Variants in ABL1 observed in about 807,000 individuals in gnomAD.
ABL1 encodes tyrosine-protein kinase ABL1.
In ABL1, 11 loss-of-function variants were observed where a neutral mutation model predicts 94.7. That is an observed-to-expected ratio of 0.12 (90% CI 0.07 to 0.19). The LOEUF (loss-of-function observed/expected upper bound fraction) is 0.19. Ranked by LOEUF, ABL1 falls within the 10% of genes least tolerant of loss-of-function variation. The pLI is 1.00. For missense variants in ABL1, 1,082 were observed against 1,489.4 expected (o/e 0.73, Z 4.50); for synonymous variants, 656 against 622.4 (o/e 1.05, Z -0.80).
intron 1 of ABL1, among the ~76,000 whole-genome samples, chr9:130,721,565 C>G (rs1031447520): frequency 6.6e-6 from 1 of 152,008 alleles, no homozygotes; most frequent in African/African-American, 2.4e-5. Flanking sequence ...AAAAAATTAG[C>G]TGGGCGTGGT....
chr9:130,879,434 T>C (rs995182748), intron 8 of ABL1, among the ~76,000 whole-genome samples: 1 of 152,238 alleles, frequency 6.6e-6, no homozygotes, highest in Non-Finnish European at 1.5e-5. Context: ...GTTTTACACA[T>C]TTGTTTGGTT....
At chr9:130,725,552 G>T (rs1460795235) in intron 1 of ABL1, among the ~76,000 whole-genome samples, 1 of 151,728 alleles carries the variant, frequency 6.6e-6, no homozygotes, top group Non-Finnish European at 1.5e-5. Flanking sequence ...GGCTAATTTT[G>T]TATTTTTAGT....
intron 1 of ABL1, among the ~76,000 whole-genome samples, chr9:130,824,320 C>A (rs1830399443): frequency 6.6e-6 from 1 of 152,142 alleles, no homozygotes; most frequent in Admixed American, 6.5e-5. Flanking sequence ...CCAGCTCAAG[C>A]AGGCAGAGGG....
intron 1 of ABL1, among the ~76,000 whole-genome samples, chr9:130,783,412 A>G (rs2132789413): frequency 6.6e-6 from 1 of 152,352 alleles, no homozygotes; most frequent in South Asian, 2.1e-4. Context: ...TAGTTCATAA[A>G]GATGTATTCT....
intron 1 of ABL1, among the ~76,000 whole-genome samples, chr9:130,819,707 T>C (rs897358383): frequency 2.0e-5 from 3 of 150,880 alleles, no homozygotes; most frequent in African/African-American, 7.3e-5. Flanking sequence ...CCCGGCTACT[T>C]TTTTTTTGTA....
intron 1 of ABL1, among the ~76,000 whole-genome samples, chr9:130,817,311 C>A (rs1205554312): frequency 6.6e-6 from 1 of 152,192 alleles, no homozygotes; most frequent in Non-Finnish European, 1.5e-5. Flanking sequence ...ACTTTATATT[C>A]TTAGCTCTCA....
At chr9:130,782,253 G>A (rs572508421) in intron 1 of ABL1, among the ~76,000 whole-genome samples, 1 of 152,150 alleles carries the variant, frequency 6.6e-6, no homozygotes, top group African/African-American at 2.4e-5. Context: ...TAGAGACGGG[G>A]TTTTGCTATG....
intron 1 of ABL1, among the ~76,000 whole-genome samples, chr9:130,806,916 C>T (rs1278035565): frequency 6.6e-6 from 1 of 152,050 alleles, no homozygotes; most frequent in African/African-American, 2.4e-5. Context: ...TTTGGGAGGC[C>T]GCGGCAGGCG....
At chr9:130,737,156 A>C (rs139405502) in intron 1 of ABL1, among the ~76,000 whole-genome samples, 53 of 152,240 alleles carry the variant, frequency 3.5e-4, no homozygotes, top group African/African-American at 1.2e-3. Context: ...TTTTGCAAGG[A>C]GGGGAAAACG....
At chr9:130,789,650 A>G (rs971729007) in intron 1 of ABL1, among the ~76,000 whole-genome samples, 4 of 152,216 alleles carry the variant, frequency 2.6e-5, no homozygotes, top group African/African-American at 9.7e-5. Context: ...TTAATTTACT[A>G]CCTTTGGGGA....
rs538509004 is a variant in ABL1 at position 130,817,597 on chromosome 9, T to C, written c.137-36467T>C. On this transcript the variant is annotated intron_variant, in intron 1 of 10. Transcript: ENST00000372348. ...ACGCGTCAGGTTGTAAATGACCCTG[T>C]CTCCTTTGTTCAGTGTACTCTCATG... 1.6e-3 allele frequency among the ~76,000 whole-genome samples: 238 copies of C among 152,346 alleles called. 1 individual carries two copies. Among genetic ancestry groups the C allele is most frequent in the Middle Eastern group, 3.4e-3 (1 of 294 alleles).
chr9:130,855,783 G>T (rs573556971), intron 3 of ABL1, among the ~76,000 whole-genome samples: 2 of 152,320 alleles, frequency 1.3e-5, no homozygotes, highest in East Asian at 3.9e-4. Context: ...AGAAAGGGAG[G>T]CATAAAGAGA....
intron 1 of ABL1, among the ~76,000 whole-genome samples, chr9:130,747,896 A>T (rs1831907427): frequency 6.6e-6 from 1 of 152,152 alleles, no homozygotes; most frequent in Admixed American, 6.5e-5. Context: ...TTTTTAGCCT[A>T]CTACACTTGG....
intron 7 of ABL1, among the ~76,000 whole-genome samples, chr9:130,875,307 A>G (rs540742950): frequency 2.6e-5 from 4 of 151,904 alleles, no homozygotes; most frequent in Non-Finnish European, 5.9e-5. Flanking sequence ...ACACCCAGCT[A>G]ATTTTTGGTA....
intron 1 of ABL1, among the ~76,000 whole-genome samples, chr9:130,768,140 C>A (rs1461177857): frequency 2.0e-5 from 3 of 152,198 alleles, no homozygotes; most frequent in Non-Finnish European, 2.9e-5. Context: ...CCCTTCCCCC[C>A]AACCCCCATA....
intron 1 of ABL1, among the ~76,000 whole-genome samples, chr9:130,742,359 A>G (rs910730401): frequency 2.0e-5 from 3 of 152,104 alleles, no homozygotes; most frequent in African/African-American, 4.8e-5. Context: ...CTTTTTCTCC[A>G]TTGGCTAGAA....
At chr9:130,789,893 A>T (rs1829881407) in intron 1 of ABL1, among the ~76,000 whole-genome samples, 1 of 152,238 alleles carries the variant, frequency 6.6e-6, no homozygotes, top group Non-Finnish European at 1.5e-5. Context: ...AAACAAAGGG[A>T]TGTAAACCAC....
Position 130,875,540 on chromosome 9 carries a change from CT to C in ABL1, c.1270+489del, listed in dbSNP as rs1343955383. 3.3e-5 allele frequency among the ~76,000 whole-genome samples: 5 copies of C among 152,118 alleles called. No individual in the cohort carries two copies. The East Asian group carries it at 5.8e-4, about 18-fold the overall frequency. ...CTGTTAAGTCTCCTCTATAAGCCCC[CT>C]CTCCATGTCTTTATTTCCCTTGCTG... On this transcript the variant is annotated intron_variant, in intron 7 of 10. Coordinates refer to ENST00000318560, the MANE Select transcript of ABL1 (RefSeq NM_005157.6).
At position 130,854,900 on chromosome 9, in the gene ABL1, C is replaced by A. The variant is rs1417226954; in HGVS notation, c.353C>A (p.Pro118Gln). ...TGGGTCCCAAGCAACTACATCACGC[C>A]AGTCAACAGTCTGGAGAAACACTCC... The part of the protein sequence containing the change: ...QGWVPSNYIT[P>Q]VNSLEKHSWY... The change falls in exon 3 of 11, where the codon CCA becomes CAA. Residue 118 changes from proline to glutamine, a missense_variant. Around this residue, in one of 7 missense-constraint regions of ABL1, gnomAD observed 47 missense variants for 142.2 expected, o/e 0.33. Transcript: ENST00000318560. 1 of 1,614,094 alleles carries A rather than the reference C, an allele frequency of 6.2e-7. No individual in the cohort carries two copies. Among genetic ancestry groups the A allele is most frequent in the African/African-American group, 1.3e-5 (1 of 74,940 alleles).
Sources: gnomAD v4.1 joint callset for allele counts (sites outside exome capture counted in the v4.1 genomes callset) on GRCh38, gnomAD v4.1.1 for gene constraint, gnomAD v4.1.1 regional missense constraint, MANE v1.5 for transcripts, NCBI Gene and HGNC (gene_info 2026-07-23, HGNC 2026-07-21) for gene names.